The following RASA3 variants were observed in gnomAD, a reference collection of about 807,000 sequenced individuals.
RASA3 encodes the protein ras GTPase-activating protein 3.
A neutral mutation model predicts 110.0 loss-of-function variants in RASA3; 73 were observed. The ratio of observed to expected loss-of-function variants is 0.66; its 90% CI spans 0.55 to 0.81. The LOEUF (loss-of-function observed/expected upper bound fraction) is 0.81. Among genes scored for constraint, RASA3 ranks in the 30% least tolerant of loss-of-function variants. The pLI, the probability that RASA3 is intolerant of heterozygous loss-of-function variation, is 0.00. For missense variants in RASA3, 976 were observed against 1,113.2 expected (o/e 0.88, Z 1.75); for synonymous variants, 500 against 451.4 (o/e 1.11, Z -1.37).
chr13:113,981,920 C>T, intron 22 of RASA3, 62 bp from the exon 23 acceptor site: 1 of 1,514,292 alleles, frequency 6.6e-7, no homozygotes, highest in Non-Finnish European at 9.0e-7. Flanking sequence ...CGTCTCCACA[C>T]AGCTGCGTCG....
intron 2 of RASA3, among the ~76,000 whole-genome samples, chr13:114,052,994 G>A (rs1431413610): frequency 7.6e-6 from 1 of 132,060 alleles, no homozygotes. Flanking sequence ...TAGAGTCCTC[G>A]CTCCTGGGGG....
intron 1 of RASA3, among the ~76,000 whole-genome samples, chr13:114,128,841 G>A (rs867341750): frequency 7.2e-5 from 11 of 152,326 alleles, no homozygotes; most frequent in East Asian, 3.9e-4. Context: ...TCCCACGGAC[G>A]GCATTCCCGG....
Position 114,014,723 on chromosome 13 carries a change from C to A in RASA3, c.1405+486G>T, listed in dbSNP as rs1007797600. 6.6e-6 allele frequency among the ~76,000 whole-genome samples: 1 copy of A among 152,136 alleles called. No individual in the cohort carries two copies. Among genetic ancestry groups the A allele is most frequent in the Non-Finnish European group, 1.5e-5 (1 of 67,998 alleles). ...GGGGTTTGAAGAAAGGGCAGCTCCCCCAGGGGTCCTGTCTCTTCGAAGACA... is the reference window on the plus strand; with the variant it reads ...GGGGTTTGAAGAAAGGGCAGCTCCCACAGGGGTCCTGTCTCTTCGAAGACA... On this transcript the variant is annotated intron_variant, in intron 14 of 23. Coordinates refer to ENST00000334062, the MANE Select transcript of RASA3 (RefSeq NM_007368.4). The surrounding 1 kb of genome is among the most constrained non-coding windows in gnomAD (Gnocchi z 4.5).
At chr13:113,999,773 C>CG (rs1165117997) in intron 19 of RASA3, 106 bp from the exon 20 acceptor site, 4 of 239,004 alleles carry the variant, frequency 1.7e-5, no homozygotes, top group Non-Finnish European at 3.1e-5. Context: ...GGGTCTTTAC[C>CG]GGGGGGTCTC....
chr13:114,068,151 C>T (rs971103836), intron 2 of RASA3, among the ~76,000 whole-genome samples: 1 of 152,368 alleles, frequency 6.6e-6, no homozygotes, highest in East Asian at 1.9e-4. Context: ...GTTGTGGCCA[C>T]GGCCCCTTCT....
In RASA3 at chr13:113,996,560, G is replaced by C; in HGVS notation, c.2112C>G (p.Asp704Glu). ...TGCAGGGCGAGCAGCCCGGAGCCGA[G>C]TCGGATGGCGCCCTACAGCACAGCC... Reference protein sequence around the residue: ...GHWLCCRAPSDSAPGCSPCTG... With the variant: ...GHWLCCRAPSESAPGCSPCTG... The change falls in exon 21 of 24, where the codon GAC becomes GAG. Residue 704 changes from aspartate to glutamate, a missense_variant. Around this residue, in one of 4 missense-constraint regions of RASA3, gnomAD observed 109 missense variants for 162.5 expected, o/e 0.67. Transcript: ENST00000334062. 6 of 1,613,004 alleles carry C rather than the reference G, an allele frequency of 3.7e-6. No homozygotes were observed. The highest frequency in any genetic ancestry group is 5.1e-6 in the Non-Finnish European group (6 of 1,179,996).
intron 11 of RASA3, 74 bp from the exon 12 acceptor site, chr13:114,017,425 G>T: frequency 8.6e-7 from 1 of 1,162,630 alleles, no homozygotes; most frequent in Non-Finnish European, 1.2e-6. Flanking sequence ...GCCTGGCCCC[G>T]AGCACCTGCC....
intron 3 of RASA3, among the ~76,000 whole-genome samples, chr13:114,045,771 TCACAAAATTA>T: frequency 6.6e-6 from 1 of 152,340 alleles, no homozygotes; most frequent in Admixed American, 6.5e-5. Flanking sequence ...ACAGCACCTT[TCACAAAATTA>T]TGCTTTTAGG....
At position 114,009,365 on chromosome 13, in the gene RASA3, C is replaced by T. The variant is rs372605066; in HGVS notation, c.1668+22G>A. 105 of 1,591,344 alleles carry T rather than the reference C, an allele frequency of 6.6e-5. No individual in the cohort carries two copies. In the African/African-American group the frequency reaches 8.0e-4, roughly 12 times the overall value. ...CTCCTGAGCACGGCACACGGGCGGT[C>T]GGAGGGTGAGTCGATACTTACGTTC... On this transcript the variant is annotated intron_variant, in intron 17 of 23. Transcript: ENST00000334062.
rs140167805 is a variant in RASA3 at position 114,010,114 on chromosome 13, G to A, written c.1591-650C>T. ...CCACAGCGCAGGGCCTGGCTGGTGG[G>A]AAAGAGCGGTCGGTGCACCTCGGCC... On this transcript the variant is annotated intron_variant, in intron 16 of 23. Coordinates refer to ENST00000334062, the MANE Select transcript of RASA3 (RefSeq NM_007368.4). Among the ~76,000 whole-genome samples, 951 of 152,316 alleles carry A rather than the reference G, an allele frequency of 6.2e-3. 11 individuals carry two copies. Among genetic ancestry groups the A allele is most frequent in the African/African-American group, 0.022 (895 of 41,556 alleles).
In RASA3 at chr13:114,057,146, T is replaced by C; in HGVS notation, c.174-4991A>G. ...TGTTTTGCATGTCTGATGTCGTTTA[T>C]TCTAGTGGTTCCAATTGCCTATTTT... is the stretch of plus-strand genomic sequence containing the variant. On this transcript the variant is annotated intron_variant, in intron 2 of 23. Coordinates refer to ENST00000334062, the MANE Select transcript of RASA3 (RefSeq NM_007368.4). The surrounding 1 kb of genome is among the most constrained non-coding windows in gnomAD (Gnocchi z 5.0). The C allele has an allele frequency of 5.3e-6, 5 of 937,230 alleles. No individual in the cohort carries two copies. Among genetic ancestry groups the C allele is most frequent in the African/African-American group, 1.8e-5 (1 of 56,266 alleles). 58.1% of individuals were successfully genotyped at this position (937,230 alleles called of 1,614,324 possible).
rs750651897 is a variant in RASA3, at chr13:114,009,391, T to C, written c.1664A>G (p.Lys555Arg). The change falls in exon 17 of 24, where the codon AAG becomes AGG. Residue 555 changes from lysine (K) to arginine (R), a missense_variant. Transcript: ENST00000334062. Reference sequence around the variant, plus strand: ...GGAGGGTGAGTCGATACTTACGTTCTTCACCGCATCAGCATATTTCTGCTC... The same window carrying C: ...GGAGGGTGAGTCGATACTTACGTTCCTCACCGCATCAGCATATTTCTGCTC... ...FNEQKYADAV[K>R]NFLDLISSSG... The C allele has an allele frequency of 4.3e-6, 7 of 1,611,478 alleles. No homozygotes were observed. In the South Asian group the frequency reaches 7.7e-5, roughly 18 times the overall value.
intron 22 of RASA3, among the ~76,000 whole-genome samples, chr13:113,990,246 C>T (rs2139077446): frequency 6.6e-6 from 1 of 152,182 alleles, no homozygotes; most frequent in South Asian, 2.1e-4. Context: ...AACTAATACA[C>T]CAGGCTATGG....
chr13:114,057,506 T>G lies in RASA3; in HGVS notation c.174-5351A>C. 2.0e-6 allele frequency: 2 copies of G among 985,350 alleles called. No individual in the cohort carries two copies. Among genetic ancestry groups the G allele is most frequent in the Non-Finnish European group, 2.4e-6 (2 of 829,890 alleles). 61.0% of individuals were successfully genotyped at this position (985,350 alleles called of 1,614,324 possible). ...CAGAATAGAGGGTTCGTTCAGCTTC[T>G]TAGACCGATGATTTATTTAGGGAAT... On this transcript the variant is annotated intron_variant, in intron 2 of 23. Transcript: ENST00000334062. The surrounding 1 kb of genome is among the most constrained non-coding windows in gnomAD (Gnocchi z 5.0).
chr13:114,009,257 C>A, intron 17 of RASA3, 130 bp downstream of exon 17: 1 of 739,780 alleles, frequency 1.4e-6, no homozygotes. Context: ...TGTGAATGCA[C>A]CGAACGCCTT....
rs2080257136 is a variant in RASA3, at chr13:114,114,804, A to T, written c.55+17631T>A. ...TTTGATTTTTCAACCACCCGCCCTCATGTGCAGGGACAGGGCAGAGTCGTG... is the reference window on the plus strand; with the variant it reads ...TTTGATTTTTCAACCACCCGCCCTCTTGTGCAGGGACAGGGCAGAGTCGTG... On this transcript the variant is annotated intron_variant, in intron 1 of 23. Transcript: ENST00000334062. The surrounding 1 kb of genome is among the most constrained non-coding windows in gnomAD (Gnocchi z 4.8). Among the ~76,000 whole-genome samples, 4 of 152,332 alleles carry T rather than the reference A, an allele frequency of 2.6e-5. No individual in the cohort carries two copies. The South Asian group carries it at 8.3e-4, about 32-fold the overall frequency.
At chr13:114,098,421 T>C (rs1384725372) in intron 1 of RASA3, among the ~76,000 whole-genome samples, 2 of 151,874 alleles carry the variant, frequency 1.3e-5, no homozygotes, top group African/African-American at 2.4e-5. Flanking sequence ...ACCAGAGCCA[T>C]GGGGGAACAG....
rs146105855 is a variant in RASA3 at position 114,096,202 on chromosome 13, G to A, written c.56-22365C>T. ...GTGGCCCTGGCGGCATCGGTGTGCT[G>A]GGAAGGGAGTGCGCAGGCCCACCCC... On this transcript the variant is annotated intron_variant, in intron 1 of 23. Coordinates refer to ENST00000334062, the MANE Select transcript of RASA3 (RefSeq NM_007368.4). This position sits in a 1 kb window ranked among gnomAD's most constrained non-coding sequence, Gnocchi z 5.1. 7.8e-4 allele frequency among the ~76,000 whole-genome samples: 119 copies of A among 152,298 alleles called. No individual in the cohort carries two copies. In the Middle Eastern group the frequency reaches 0.01, roughly 13 times the overall value.
intron 22 of RASA3, among the ~76,000 whole-genome samples, chr13:113,991,570 C>T (rs905403359): frequency 3.9e-5 from 6 of 152,220 alleles, no homozygotes; most frequent in South Asian, 2.1e-4. Context: ...GAATCACAGA[C>T]CTCAAACCAC....
Sources: gnomAD v4.1 joint callset for allele counts (sites outside exome capture counted in the v4.1 genomes callset) on GRCh38, gnomAD v4.1.1 for gene constraint, gnomAD v4.1.1 regional missense constraint, Gnocchi (gnomAD v3.1) non-coding constraint, MANE v1.5 for transcripts, NCBI Gene and HGNC (gene_info 2026-07-23, HGNC 2026-07-21) for gene names.